Variants in ASIC2 observed in about 807,000 individuals in gnomAD.
ASIC2 encodes the protein acid-sensing ion channel 2.
Under a neutral mutation model 57.3 loss-of-function variants are expected in ASIC2, and 25 were observed. The ratio of observed to expected loss-of-function variants is 0.44; its 90% CI spans 0.32 to 0.61. The LOEUF (loss-of-function observed/expected upper bound fraction) is 0.61, where lower values mean the gene tolerates loss of function less well. Among genes scored for constraint, ASIC2 ranks in the 20% least tolerant of loss-of-function variants. ASIC2 has a pLI of 0.06. For missense variants in ASIC2, 641 were observed against 738.1 expected, an observed-to-expected ratio of 0.87 and a Z score of 1.52; for synonymous variants, 319 against 307.5, an observed-to-expected ratio of 1.04 and a Z score of -0.39.
chr17:33,885,133 T>C (rs1248019302), intron 1 of ASIC2, among the ~76,000 whole-genome samples: 2 of 152,144 alleles, frequency 1.3e-5, no homozygotes, highest in African/African-American at 4.8e-5. Context: ...GGAGGCAAGG[T>C]TGTGCATGGC....
At chr17:33,117,203 C>A (rs1473489631) in intron 1 of ASIC2, among the ~76,000 whole-genome samples, 4 of 148,054 alleles carry the variant, frequency 2.7e-5, no homozygotes, top group Admixed American at 6.7e-5. Flanking sequence ...GACAGAGTCT[C>A]ACTTTGTCAC....
chr17:33,075,046 G>A (rs1039157334), intron 3 of ASIC2, among the ~76,000 whole-genome samples: 10 of 152,070 alleles, frequency 6.6e-5, no homozygotes, highest in African/African-American at 2.2e-4. Flanking sequence ...TGGTAATATG[G>A]TTTGGCTGTG....
At chr17:33,641,861 C>T (rs1295595031) in intron 1 of ASIC2, among the ~76,000 whole-genome samples, 1 of 152,190 alleles carries the variant, frequency 6.6e-6, no homozygotes, top group African/African-American at 2.4e-5. Flanking sequence ...TCAGTGCCTT[C>T]ATCTGCATAA....
chr17:33,375,784 G>T (rs866982318), intron 1 of ASIC2, among the ~76,000 whole-genome samples: 10 of 152,174 alleles, frequency 6.6e-5, no homozygotes, highest in Admixed American at 1.3e-4. Flanking sequence ...GCAATGCAAG[G>T]TATCGAAAAG....
chr17:34,101,881 G>A (rs747622202), intron 1 of ASIC2, among the ~76,000 whole-genome samples: 2 of 152,032 alleles, frequency 1.3e-5, no homozygotes, highest in African/African-American at 4.8e-5. Context: ...AACAATTGTC[G>A]ACATTCAGCC....
intron 1 of ASIC2, among the ~76,000 whole-genome samples, chr17:33,851,573 A>G (rs1913765419): frequency 6.6e-6 from 1 of 152,220 alleles, no homozygotes; most frequent in African/African-American, 2.4e-5. Context: ...CGCTTATTCT[A>G]GAAGATGCAG....
At chr17:34,039,038 T>C (rs1009298086) in intron 1 of ASIC2, 2 of 1,614,078 alleles carry the variant, frequency 1.2e-6, no homozygotes, top group African/African-American at 1.3e-5. Context: ...TTCTCTTGTT[T>C]TGACTTTTCT....
chr17:33,448,216 T>A (rs1912108390), intron 1 of ASIC2, among the ~76,000 whole-genome samples: 1 of 152,194 alleles, frequency 6.6e-6, no homozygotes, highest in African/African-American at 2.4e-5. Flanking sequence ...CAAATGCCAT[T>A]TTTTGGCTAA....
intron 1 of ASIC2, among the ~76,000 whole-genome samples, chr17:33,705,318 A>T (rs1259276962): frequency 6.6e-6 from 1 of 152,240 alleles, no homozygotes; most frequent in Non-Finnish European, 1.5e-5. Context: ...AATTTATCGT[A>T]TGTAAATGTA....
chr17:34,062,089 T>C (rs1908991100), intron 1 of ASIC2, among the ~76,000 whole-genome samples: 1 of 152,164 alleles, frequency 6.6e-6, no homozygotes, highest in Non-Finnish European at 1.5e-5. Flanking sequence ...CGACAGTGCA[T>C]GGAACTTTCT....
intron 1 of ASIC2, among the ~76,000 whole-genome samples, chr17:33,658,566 T>C (rs1176745361): frequency 6.6e-6 from 1 of 152,126 alleles, no homozygotes; most frequent in Admixed American, 6.5e-5. Context: ...CACTGGCAGA[T>C]TCTGTGTCTG....
chr17:33,030,158 C>A (rs1274356942), intron 3 of ASIC2, among the ~76,000 whole-genome samples: 3 of 152,048 alleles, frequency 2.0e-5, no homozygotes, highest in African/African-American at 4.8e-5. Context: ...TAAAATGCAT[C>A]CATTTTAATG....
intron 1 of ASIC2, among the ~76,000 whole-genome samples, chr17:33,479,724 C>T (rs1276835992): frequency 1.3e-5 from 2 of 152,142 alleles, no homozygotes; most frequent in African/African-American, 2.4e-5. Context: ...TGGCTAGGAC[C>T]ATGATTGATT....
At chr17:33,785,143 A>G (rs1911564560) in intron 1 of ASIC2, among the ~76,000 whole-genome samples, 1 of 152,154 alleles carries the variant, frequency 6.6e-6, no homozygotes, top group Admixed American at 6.5e-5. Context: ...CTAATCCAAT[A>G]TGACTGGTGT....
intron 1 of ASIC2, among the ~76,000 whole-genome samples, chr17:33,490,149 A>G (rs541390006): frequency 2.0e-5 from 3 of 152,352 alleles, no homozygotes; most frequent in Admixed American, 2.0e-4. Flanking sequence ...CATACTATCT[A>G]TGGTGACTTT....
intron 1 of ASIC2, among the ~76,000 whole-genome samples, chr17:33,472,819 G>C (rs1458708058): frequency 1.3e-5 from 2 of 152,142 alleles, no homozygotes; most frequent in African/African-American, 2.4e-5. Flanking sequence ...GAGTTTGGTG[G>C]GGTGGTGGGG....
At chr17:33,541,464 G>A (rs1275056590) in intron 1 of ASIC2, 1 of 152,162 alleles carries the variant, frequency 6.6e-6, no homozygotes, top group Non-Finnish European at 1.5e-5. Flanking sequence ...AACTGCAGGG[G>A]AGCCAACAAA....
chr17:33,405,487 C>CTTTTT (rs35049672), intron 1 of ASIC2, among the ~76,000 whole-genome samples: 1 of 135,304 alleles, frequency 7.4e-6, no homozygotes, highest in African/African-American at 2.8e-5. Flanking sequence ...TTTTTTCTTT[C>CTTTTT]TTTTTTTTTT....
chr17:33,770,292 T>A (rs1911056158), intron 1 of ASIC2, among the ~76,000 whole-genome samples: 1 of 152,218 alleles, frequency 6.6e-6, no homozygotes, highest in Admixed American at 6.5e-5. Flanking sequence ...CAGGACACAG[T>A]TCAGAATTCA....
Sources: gnomAD v4.1 joint callset for allele counts (sites outside exome capture counted in the v4.1 genomes callset) on GRCh38, gnomAD v4.1.1 for gene constraint, MANE v1.5 for transcripts, NCBI Gene and HGNC (gene_info 2026-07-23, HGNC 2026-07-21) for gene names.